The following ZNF462 variants were observed in gnomAD, a reference collection of about 807,000 sequenced individuals.
ZNF462 encodes zinc finger protein 462.
A neutral mutation model predicts 201.9 loss-of-function variants in ZNF462; 10 were observed. The ratio of observed to expected loss-of-function variants is 0.05; its 90% CI spans 0.03 to 0.08. ZNF462 has a LOEUF of 0.08. Among genes scored for constraint, ZNF462 ranks in the 10% least tolerant of loss-of-function variants. The pLI, the probability that ZNF462 is intolerant of heterozygous loss-of-function variation, is 1.00. For synonymous variants in ZNF462, 1,227 were observed against 1,193.3 expected (o/e 1.03, Z -0.58); for missense variants, 2,523 against 3,168.3 (o/e 0.80, Z 4.89).
chr9:106,932,114 C>G lies in ZNF462; in HGVS notation c.6013-332C>G. 1 of 1,277,394 alleles carries G rather than the reference C, an allele frequency of 7.8e-7. No homozygotes were observed. The highest frequency in any genetic ancestry group is 1.5e-5 in the African/African-American group (1 of 67,046). 79.1% of individuals were successfully genotyped at this position (1,277,394 alleles called of 1,614,324 possible). ...AATGGCAGTTGGGCTTGCTCTCCCT[C>G]TAGGGGTAGCTGGAGAGGCAGGGGA... On this transcript the variant is annotated intron_variant, in intron 4 of 12. Transcript: ENST00000277225. The surrounding 1 kb of genome is among the most constrained non-coding windows in gnomAD (Gnocchi z 6.8).
At chr9:106,922,624 T>G (rs1830032577) in intron 1 of ZNF462, among the ~76,000 whole-genome samples, 1 of 152,206 alleles carries the variant, frequency 6.6e-6, no homozygotes, top group Non-Finnish European at 1.5e-5. Context: ...CAAAGTTGGT[T>G]GTTTGAAAAT....
intron 1 of ZNF462, among the ~76,000 whole-genome samples, chr9:106,916,207 TA>T (rs1349510302): frequency 1.3e-5 from 2 of 152,222 alleles, no homozygotes; most frequent in African/African-American, 4.8e-5. Context: ...ACTGAATCTG[TA>T]AAATTGAGAC....
rs1279129291 is a variant in ZNF462, at chr9:106,972,216, G to A, written c.6639G>A (p.Lys2213=). 6.2e-7 allele frequency: 1 copy of A among 1,614,108 alleles called. No homozygotes were observed. Among genetic ancestry groups the A allele is most frequent in the East Asian group, 2.2e-5 (1 of 44,894 alleles). The change falls in exon 8 of 13, where the codon AAG becomes AAA. Residue 2213 remains lysine (K), a synonymous_variant. Coordinates refer to ENST00000277225, the MANE Select transcript of ZNF462 (RefSeq NM_021224.6). This position sits in a 1 kb window ranked among gnomAD's most constrained non-coding sequence, Gnocchi z 4.8. ...IQSIRRHYRD[K]HGGKKLFKCK... ...GCATCAGGCGTCATTACCGGGACAA[G>A]CATGGTGGGAAGAAGCTTTTCAAGT...
Position 107,003,496 on chromosome 9 carries a change from A to C in ZNF462, c.7189+70A>C. The C allele has an allele frequency of 6.4e-7, 1 of 1,574,772 alleles. No homozygotes were observed. Among genetic ancestry groups the C allele is most frequent in the Non-Finnish European group, 8.6e-7 (1 of 1,160,706 alleles). On this transcript the variant is annotated intron_variant, in intron 11 of 12. Coordinates refer to ENST00000277225, the MANE Select transcript of ZNF462 (RefSeq NM_021224.6). The surrounding 1 kb of genome is among the most constrained non-coding windows in gnomAD (Gnocchi z 4.4). ...GTCCGTAGTGAGACAGAAGGGAGGC[A>C]GGAGGTTGTTGTAGGAGTAACAGAA...
chr9:106,914,347 T>C (rs537680554), intron 1 of ZNF462, among the ~76,000 whole-genome samples: 6 of 152,348 alleles, frequency 3.9e-5, no homozygotes, highest in Admixed American at 2.6e-4. Context: ...GGGACTGTCC[T>C]GTGCGTTGTA....
chr9:106,937,329 T>G (rs1830673428), intron 6 of ZNF462, among the ~76,000 whole-genome samples: 1 of 152,168 alleles, frequency 6.6e-6, no homozygotes, highest in South Asian at 2.1e-4. Flanking sequence ...CTATACTCAC[T>G]TCACATGTGA....
Position 106,926,103 on chromosome 9 carries a change from G to A in ZNF462, c.2191G>A (p.Glu731Lys), listed in dbSNP as rs765474238. ...TGATGAAGAGGAAGAGGAAGACAAC[G>A]AAGTCGAGATAGAGGTTGAGTTGGA... ...EDDEEEEEDN[E>K]VEIEVELDRE... The change falls in exon 3 of 13, where the codon GAA becomes AAA. Residue 731 changes from glutamate (E) to lysine (K), a missense_variant. By Grantham distance (56) the Glu-to-Lys change is moderately conservative. Around this residue, in one of 15 missense-constraint regions of ZNF462, gnomAD observed 383 missense variants for 453.4 expected, o/e 0.84. Transcript: ENST00000277225. The surrounding 1 kb of genome is among the most constrained non-coding windows in gnomAD (Gnocchi z 7.9). The A allele has an allele frequency of 3.1e-6, 5 of 1,614,078 alleles. No individual in the cohort carries two copies. The highest frequency in any genetic ancestry group is 4.2e-6 in the Non-Finnish European group (5 of 1,180,046).
intron 7 of ZNF462, among the ~76,000 whole-genome samples, chr9:106,971,528 G>A (rs1197422379): frequency 6.7e-6 from 1 of 149,902 alleles, no homozygotes; most frequent in Admixed American, 6.6e-5. Flanking sequence ...CCCCAAATCT[G>A]TGTTGTAGAA....
At chr9:106,918,042 A>AT (rs1012147923) in intron 1 of ZNF462, among the ~76,000 whole-genome samples, 11 of 151,162 alleles carry the variant, frequency 7.3e-5, no homozygotes, top group Non-Finnish European at 1.3e-4. Context: ...CACCCGGCTA[A>AT]TTTTTTTTAT....
chr9:106,879,334 C>CCCA (rs1827983390), intron 1 of ZNF462, among the ~76,000 whole-genome samples: 1 of 79,620 alleles, frequency 1.3e-5, no homozygotes, highest in Non-Finnish European at 2.5e-5. Context: ...TGCTTTCCAC[C>CCCA]CCCCCCCCCA....
rs1249842535 is a variant in ZNF462, at chr9:106,896,541, TTATATTGCTTCTAA to T, written c.-30-26809_-30-26796del. On this transcript the variant is annotated intron_variant, in intron 1 of 12. Coordinates refer to ENST00000277225, the MANE Select transcript of ZNF462 (RefSeq NM_021224.6). The stretch of plus-strand genomic sequence containing the variant: ...CCATATAGCTCCAGAAGGTAATGGG[TTATATTGCTTCTAA>T]TATTTCCTGGAGTGACATTTAAGAT... Among the ~76,000 whole-genome samples, 5 of 152,296 alleles carry T rather than the reference TTATATTGCTTCTAA, an allele frequency of 3.3e-5. No homozygotes were observed. The East Asian group carries it at 9.6e-4, about 29-fold the overall frequency.
rs1026788047 is a variant in ZNF462, at chr9:106,902,604, G to A, written c.-30-20750G>A. ...ATTTATCATTTCAATCTCACTGCTT[G>A]TTATTGGTCTGTTCAGGGTACCTAA... On this transcript the variant is annotated intron_variant, in intron 1 of 12. Coordinates refer to ENST00000277225, the MANE Select transcript of ZNF462 (RefSeq NM_021224.6). This position sits in a 1 kb window ranked among gnomAD's most constrained non-coding sequence, Gnocchi z 4.2. 1.3e-5 allele frequency among the ~76,000 whole-genome samples: 2 copies of A among 152,102 alleles called. No individual in the cohort carries two copies. The highest frequency in any genetic ancestry group is 6.6e-5 in the Admixed American group (1 of 15,254).
At position 106,919,908 on chromosome 9, in the gene ZNF462, A is replaced by G. The variant is rs1047795937; in HGVS notation, c.-30-3446A>G. On this transcript the variant is annotated intron_variant, in intron 1 of 12. Coordinates refer to ENST00000277225, the MANE Select transcript of ZNF462 (RefSeq NM_021224.6). This position sits in a 1 kb window ranked among gnomAD's most constrained non-coding sequence, Gnocchi z 4.5. ...GATTCATCTCATGACCTTTTGAAATAGACTCTTTTTAGTTAGTTCAGAAAC... is the reference window on the plus strand; with the variant it reads ...GATTCATCTCATGACCTTTTGAAATGGACTCTTTTTAGTTAGTTCAGAAAC... Among the ~76,000 whole-genome samples, 2 of 152,200 alleles carry G rather than the reference A, an allele frequency of 1.3e-5. No individual in the cohort carries two copies. Among genetic ancestry groups the G allele is most frequent in the African/African-American group, 4.8e-5 (2 of 41,438 alleles).
chr9:106,953,829 C>A (rs1483394854), intron 7 of ZNF462, among the ~76,000 whole-genome samples: 1 of 152,104 alleles, frequency 6.6e-6, no homozygotes, highest in African/African-American at 2.4e-5. Flanking sequence ...CATTAATTTC[C>A]TACTAAACTT....
At chr9:106,912,691 C>T (rs1423012213) in intron 1 of ZNF462, among the ~76,000 whole-genome samples, 1 of 152,182 alleles carries the variant, frequency 6.6e-6, no homozygotes, top group Non-Finnish European at 1.5e-5. Flanking sequence ...ACTTCAGTTT[C>T]ACTCTCTGGA....
chr9:106,996,728 T>A (rs1828762134), intron 10 of ZNF462, among the ~76,000 whole-genome samples: 1 of 152,168 alleles, frequency 6.6e-6, no homozygotes, highest in African/African-American at 2.4e-5. Flanking sequence ...CTTTGTCAGA[T>A]GGGTAGATTG....
chr9:106,983,433 T>C (rs748344575), intron 9 of ZNF462, among the ~76,000 whole-genome samples: 13 of 152,198 alleles, frequency 8.5e-5, no homozygotes, highest in African/African-American at 1.4e-4. Flanking sequence ...TTTTAGTGAA[T>C]GAAAGTGTAC....
Position 106,885,722 on chromosome 9 carries a change from G to A in ZNF462, c.-31+22367G>A, listed in dbSNP as rs576693510. On this transcript the variant is annotated intron_variant, in intron 1 of 12. Transcript: ENST00000277225. The surrounding 1 kb of genome is among the most constrained non-coding windows in gnomAD (Gnocchi z 4.1). ...CTCAGCATTAGGTCACCCTTTAGGCGTATGGTGCAGAGCTCATGCTACCAT... is the reference window on the plus strand; with the variant it reads ...CTCAGCATTAGGTCACCCTTTAGGCATATGGTGCAGAGCTCATGCTACCAT... 5.3e-4 allele frequency among the ~76,000 whole-genome samples: 80 copies of A among 152,310 alleles called. No individual in the cohort carries two copies. Among genetic ancestry groups the A allele is most frequent in the African/African-American group, 1.8e-3 (73 of 41,584 alleles).
chr9:106,965,163 G>A (rs1832014778), intron 7 of ZNF462, among the ~76,000 whole-genome samples: 1 of 152,008 alleles, frequency 6.6e-6, no homozygotes, highest in Non-Finnish European at 1.5e-5. Flanking sequence ...TTGAAGGATG[G>A]GTAAGAATTT....
Sources: gnomAD v4.1 joint callset for allele counts (sites outside exome capture counted in the v4.1 genomes callset) on GRCh38, gnomAD v4.1.1 for gene constraint, gnomAD v4.1.1 regional missense constraint, Gnocchi (gnomAD v3.1) non-coding constraint, MANE v1.5 for transcripts, NCBI Gene and HGNC (gene_info 2026-07-23, HGNC 2026-07-21) for gene names.